Variants in ZNF592 observed in about 807,000 individuals in gnomAD.
ZNF592 encodes spinocerebellar ataxia, autosomal recessive 5.
ZNF592 carries 11 observed loss-of-function variants against 80.3 expected under a neutral mutation model. That is an observed-to-expected ratio of 0.14 (90% confidence interval 0.09 to 0.23). ZNF592 has a LOEUF of 0.23. Among genes scored for constraint, ZNF592 ranks in the 10% least tolerant of loss-of-function variants. The probability of loss-of-function intolerance (pLI) is 1.00; values close to 1 mark genes in which losing one functional copy is unlikely to be tolerated. For synonymous variants in ZNF592, 646 were observed against 640.3 expected (o/e 1.01, Z -0.13); for missense variants, 1,420 against 1,633.9 (o/e 0.87, Z 2.26).
intron 2 of ZNF592, among the ~76,000 whole-genome samples, chr15:84,773,891 C>T (rs1044969091): frequency 7.2e-5 from 11 of 152,322 alleles, no homozygotes; most frequent in African/African-American, 1.9e-4. Context: ...GCACAGCACA[C>T]GTAGCTATGG....
intron 1 of ZNF592, among the ~76,000 whole-genome samples, chr15:84,752,866 G>A (rs1899052023): frequency 6.6e-6 from 1 of 152,178 alleles, no homozygotes; most frequent in Non-Finnish European, 1.5e-5. Context: ...AAACTTGGAA[G>A]AGACTCCTGA....
intron 5 of ZNF592, among the ~76,000 whole-genome samples, chr15:84,797,237 A>C (rs1460269044): frequency 6.6e-6 from 1 of 152,238 alleles, no homozygotes; most frequent in Non-Finnish European, 1.5e-5. Flanking sequence ...CTGGGATTAC[A>C]GGCGTGACCT....
intron 2 of ZNF592, among the ~76,000 whole-genome samples, 198 bp from the exon 3 acceptor site, chr15:84,777,985 A>G (rs1476287345): frequency 2.0e-5 from 3 of 152,140 alleles, no homozygotes; most frequent in Non-Finnish European, 2.9e-5. Flanking sequence ...GGCGTGAGCC[A>G]CCGTGCCCGG....
intron 1 of ZNF592, among the ~76,000 whole-genome samples, chr15:84,750,027 C>T (rs1408191529): frequency 1.6e-4 from 24 of 152,218 alleles, no homozygotes; most frequent in Admixed American, 1.3e-4. Flanking sequence ...CGTGGCCGGG[C>T]GCGGTGGCTC....
At position 84,798,936 on chromosome 15, in the gene ZNF592, C is replaced by T. The variant is rs1963011645; in HGVS notation, c.3024+61C>T. 3 of 1,598,366 alleles carry T rather than the reference C, an allele frequency of 1.9e-6. No homozygotes were observed. Among genetic ancestry groups the T allele is most frequent in the Non-Finnish European group, 2.5e-6 (3 of 1,176,752 alleles). ...GTCCTCTGGACTTCCTTCTGTGAAG[C>T]CAGAACCCCTAGGGTTCCTGGTGCT... On this transcript the variant is annotated intron_variant, in intron 8 of 10. Coordinates refer to ENST00000560079, the MANE Select transcript of ZNF592 (RefSeq NM_014630.3). This position sits in a 1 kb window ranked among gnomAD's most constrained non-coding sequence, Gnocchi z 4.5.
rs28528801 is a variant in ZNF592, at chr15:84,752,248, C to T, written c.-259+3584C>T. 4.6e-3 allele frequency among the ~76,000 whole-genome samples: 697 copies of T among 152,296 alleles called. 6 individuals are homozygous for T. The highest frequency in any genetic ancestry group is 0.012 in the African/African-American group (496 of 41,550). On this transcript the variant is annotated intron_variant, in intron 1 of 10. Coordinates refer to ENST00000560079, the MANE Select transcript of ZNF592 (RefSeq NM_014630.3). Reference sequence around the variant, plus strand: ...GATCAGTCATTCAACATCAAGCTCCCATTTCAGGCTTGACACTGTATAAGA... The same window carrying T: ...GATCAGTCATTCAACATCAAGCTCCTATTTCAGGCTTGACACTGTATAAGA...
At chr15:84,796,655 C>T (rs887814459) in intron 5 of ZNF592, among the ~76,000 whole-genome samples, 3 of 151,654 alleles carry the variant, frequency 2.0e-5, no homozygotes, top group Non-Finnish European at 4.4e-5. Context: ...TCCATACGGC[C>T]TCAATTTCAG....
At chr15:84,776,086 A>G (rs989514150) in intron 2 of ZNF592, among the ~76,000 whole-genome samples, 2 of 152,214 alleles carry the variant, frequency 1.3e-5, no homozygotes, top group African/African-American at 4.8e-5. Flanking sequence ...CCACCAAACC[A>G]GTGATCCTGC....
At position 84,790,557 on chromosome 15, in the gene ZNF592, T is replaced by C. The variant is rs1362878658; in HGVS notation, c.2221-148T>C. On this transcript the variant is annotated intron_variant, in intron 4 of 10. Transcript: ENST00000560079. The stretch of plus-strand genomic sequence containing the variant: ...CAGCACTGGAAATGAGGTCTAGGGG[T>C]GTCAGAAGTGTCCAGGAGAGTTGGA... 1.3e-5 allele frequency: 10 copies of C among 788,930 alleles called. 1 individual carries two copies. In the Admixed American group the frequency reaches 2.0e-4, roughly 16 times the overall value. The allele number at this position is 788,930 out of a possible 1,614,324, so 48.9% of individuals were successfully genotyped here.
At position 84,802,204 on chromosome 15, in the gene ZNF592, C is replaced by T. The variant is rs781376373; in HGVS notation, c.3615C>T (p.Ser1205=). ...AGGTGGCAGAGCCAGAGGAGGGCTCCGGGGAGGAGGTGCCCATGGAGACTA... is the reference window on the plus strand; with the variant it reads ...AGGTGGCAGAGCCAGAGGAGGGCTCTGGGGAGGAGGTGCCCATGGAGACTA... ...AVEVAEPEEG[S]GEEVPMETRE... is the part of the protein sequence containing the mutation. Residue 1205 remains serine (S), a synonymous_variant, in exon 11 of 11, where the codon TCC becomes TCT. Transcript: ENST00000560079. 23 of 1,600,102 alleles carry T rather than the reference C, an allele frequency of 1.4e-5. No individual in the cohort carries two copies. The highest frequency in any genetic ancestry group is 1.8e-5 in the Non-Finnish European group (21 of 1,170,148).
chr15:84,783,418 C>T lies in ZNF592; in HGVS notation c.743C>T (p.Pro248Leu). 6.2e-7 allele frequency: 1 copy of T among 1,614,168 alleles called. No individual in the cohort carries two copies. Among genetic ancestry groups the T allele is most frequent in the Non-Finnish European group, 8.5e-7 (1 of 1,180,016 alleles). Residue 248 changes from proline (P) to leucine (L), a missense_variant, in exon 4 of 11, where the codon CCT becomes CTT. Pro to Leu is a moderately conservative substitution (Grantham distance 98). Coordinates refer to ENST00000560079, the MANE Select transcript of ZNF592 (RefSeq NM_014630.3). The surrounding 1 kb of genome is among the most constrained non-coding windows in gnomAD (Gnocchi z 5.0). Reference sequence around the variant, plus strand: ...GAAGCTTTGGAGTTCAACAGCCATCCTAGCAACAGTATTGGAGAGTCCAAG... The same window carrying T: ...GAAGCTTTGGAGTTCAACAGCCATCTTAGCAACAGTATTGGAGAGTCCAAG... Reference protein sequence around the residue: ...FGEALEFNSHPSNSIGESKGL... With the variant: ...FGEALEFNSHLSNSIGESKGL...
intron 2 of ZNF592, among the ~76,000 whole-genome samples, chr15:84,768,059 TA>T (rs773746353): frequency 1.4e-5 from 2 of 145,142 alleles, no homozygotes; most frequent in African/African-American, 2.5e-5. Context: ...ATTTTAATTT[TA>T]ATTTTTTTTT....
chr15:84,764,719 C>T lies in ZNF592; in HGVS notation c.-246C>T, dbSNP rs1277971357. On this transcript the variant is annotated 5_prime_UTR_variant, in exon 2 of 11. Coordinates refer to ENST00000560079, the MANE Select transcript of ZNF592 (RefSeq NM_014630.3). ...CTTCTTTCCTTAGGTGGTGTTTGGA[C>T]TCTAGACCATGTGCCTAGGTAGAAG... is the stretch of plus-strand genomic sequence containing the variant. The T allele has an allele frequency of 2.5e-6, 1 of 398,872 alleles. No individual in the cohort carries two copies. Among genetic ancestry groups the T allele is most frequent in the African/African-American group, 2.1e-5 (1 of 48,588 alleles). The allele number at this position is 398,872 out of a possible 1,614,324, so 24.7% of individuals were successfully genotyped here.
At position 84,802,093 on chromosome 15, in the gene ZNF592, C is replaced by T; in HGVS notation, c.3504C>T (p.Leu1168=). 1 of 1,613,076 alleles carries T rather than the reference C, an allele frequency of 6.2e-7. No individual in the cohort carries two copies. Among genetic ancestry groups the T allele is most frequent in the Non-Finnish European group, 8.5e-7 (1 of 1,179,594 alleles). The change falls in exon 11 of 11, where the codon CTC becomes CTT. Residue 1168 remains leucine (L), a synonymous_variant. Coordinates refer to ENST00000560079, the MANE Select transcript of ZNF592 (RefSeq NM_014630.3). ...CGLCYTSASS[L]SRHLFIVHKV... is the part of the protein sequence containing the mutation. Reference sequence around the variant, plus strand: ...TGTGCTACACCTCTGCCAGCTCCCTCAGCCGCCACCTCTTCATTGTCCACA... The same window carrying T: ...TGTGCTACACCTCTGCCAGCTCCCTTAGCCGCCACCTCTTCATTGTCCACA...
intron 3 of ZNF592, among the ~76,000 whole-genome samples, chr15:84,781,488 G>A (rs1962420814): frequency 6.6e-6 from 1 of 151,016 alleles, no homozygotes; most frequent in African/African-American, 2.4e-5. Flanking sequence ...ACTTTTGCAT[G>A]TAGTTTTTGA....
At chr15:84,797,668 T>C (rs996370691) in intron 5 of ZNF592, among the ~76,000 whole-genome samples, 1 of 152,240 alleles carries the variant, frequency 6.6e-6, no homozygotes, top group African/African-American at 2.4e-5. Context: ...TGGGGGCCAC[T>C]GTGTGGCCAC....
intron 1 of ZNF592, among the ~76,000 whole-genome samples, chr15:84,759,954 T>TCCCCCCCCCCCCCC (rs759072074): frequency 2.0e-5 from 1 of 49,662 alleles, no homozygotes; most frequent in African/African-American, 9.7e-5. Flanking sequence ...TTGGGGAGAT[T>TCCCCCCCCCCCCCC]CCCCCCCCCC....
chr15:84,750,136 C>T (rs1439590388), intron 1 of ZNF592, among the ~76,000 whole-genome samples: 1 of 152,100 alleles, frequency 6.6e-6, no homozygotes, highest in Non-Finnish European at 1.5e-5. Context: ...ACCCCGTCTC[C>T]ACTAAAAAAA....
At position 84,798,518 on chromosome 15, in the gene ZNF592, C is replaced by T. The variant is rs778659898; in HGVS notation, c.2736+44C>T. On this transcript the variant is annotated intron_variant, in intron 7 of 10. Transcript: ENST00000560079. The surrounding 1 kb of genome is among the most constrained non-coding windows in gnomAD (Gnocchi z 4.5). ...GGAGGCCGGGGAGGAGGGCACATGC[C>T]TCAGGCTGGGGGTCTGACTCTGTGC... The T allele has an allele frequency of 1.9e-6, 3 of 1,613,750 alleles. No individual in the cohort carries two copies. Among genetic ancestry groups the T allele is most frequent in the Non-Finnish European group, 1.7e-6 (2 of 1,179,888 alleles).
Sources: gnomAD v4.1 joint callset for allele counts (sites outside exome capture counted in the v4.1 genomes callset) on GRCh38, gnomAD v4.1.1 for gene constraint, Gnocchi (gnomAD v3.1) non-coding constraint, MANE v1.5 for transcripts, NCBI Gene and HGNC (gene_info 2026-07-23, HGNC 2026-07-21) for gene names.